Variants in PDE4D observed in about 807,000 individuals in gnomAD.
PDE4D encodes the protein 3',5'-cyclic-AMP phosphodiesterase 4D.
In PDE4D, 24 loss-of-function variants were observed where a neutral mutation model predicts 87.4. That is an observed-to-expected ratio of 0.27 (90% CI 0.20 to 0.39). The LOEUF (loss-of-function observed/expected upper bound fraction) is 0.39, where lower values mean the gene tolerates loss of function less well. Among genes scored for constraint, PDE4D ranks in the 10% least tolerant of loss-of-function variants. The probability of loss-of-function intolerance (pLI) is 1.00; values close to 1 mark genes in which losing one functional copy is unlikely to be tolerated. For missense variants in PDE4D, 714 were observed against 1,041.0 expected (o/e 0.69, Z 4.32); for synonymous variants, 384 against 383.2 (o/e 1.00, Z -0.02).
chr5:59,215,728 G>C, intron 2 of PDE4D, 49 bp downstream of exon 2: 3 of 1,477,728 alleles, frequency 2.0e-6, no homozygotes, highest in Non-Finnish European at 2.8e-6. Flanking sequence ...ATCAGCTCTA[G>C]ATATAAATTT....
chr5:59,334,771 C>T (rs1777377486), intron 1 of PDE4D, among the ~76,000 whole-genome samples: 1 of 151,716 alleles, frequency 6.6e-6, no homozygotes, highest in African/African-American at 2.4e-5. Flanking sequence ...CCTCACCTCC[C>T]CATTCCTAAA....
intron 3 of PDE4D, among the ~76,000 whole-genome samples, chr5:59,915,744 CT>C (rs1319717157): frequency 6.6e-5 from 10 of 152,104 alleles, no homozygotes; most frequent in African/African-American, 1.9e-4. Flanking sequence ...GTGTCTTACT[CT>C]TAATAGGAAG....
chr5:59,170,797 C>G (rs760210358), intron 5 of PDE4D, among the ~76,000 whole-genome samples: 14 of 151,880 alleles, frequency 9.2e-5, no homozygotes, highest in Non-Finnish European at 1.3e-4. Context: ...AAATAGAATT[C>G]ACACATTATT....
intron 1 of PDE4D, among the ~76,000 whole-genome samples, chr5:59,892,239 T>C (rs1176432740): frequency 2.6e-5 from 4 of 152,194 alleles, no homozygotes; most frequent in Non-Finnish European, 4.4e-5. Flanking sequence ...ATTGGTCCTT[T>C]ACTCATTTCC....
At chr5:59,214,699 A>T (rs1022764479) in intron 2 of PDE4D, among the ~76,000 whole-genome samples, 1 of 152,232 alleles carries the variant, frequency 6.6e-6, no homozygotes, top group South Asian at 2.1e-4. Flanking sequence ...TAATGTAAAA[A>T]TAGGGCCACT....
intron 2 of PDE4D, among the ~76,000 whole-genome samples, chr5:60,031,424 C>T (rs547537482): frequency 1.3e-5 from 2 of 152,294 alleles, no homozygotes; most frequent in East Asian, 3.9e-4. Context: ...AAAAGCCAAG[C>T]ACACACAAGG....
chr5:59,120,176 T>TA (rs1774251556), intron 5 of PDE4D, among the ~76,000 whole-genome samples: 1 of 152,156 alleles, frequency 6.6e-6, no homozygotes, highest in South Asian at 2.1e-4. Flanking sequence ...GACTGATGGT[T>TA]AAAAATGCAA....
At chr5:60,519,133 T>G (rs2150264460) in intron 1 of PDE4D, among the ~76,000 whole-genome samples, 1 of 152,338 alleles carries the variant, frequency 6.6e-6, no homozygotes, top group South Asian at 2.1e-4. Context: ...TAGCTATTAC[T>G]AACGAACTTG....
intron 1 of PDE4D, among the ~76,000 whole-genome samples, chr5:59,401,443 A>ACTATCTATCTATCTATCTAT (rs10705466): frequency 7.8e-6 from 1 of 127,468 alleles, no homozygotes; most frequent in Non-Finnish European, 1.7e-5. Flanking sequence ...TATATTAGAG[A>ACTATCTATCTATCTATCTAT]CTATCTATCT....
intron 1 of PDE4D, among the ~76,000 whole-genome samples, chr5:59,396,422 A>G (rs372074110): frequency 0.058 from 5,680 of 97,616 alleles, 1,248 homozygotes; most frequent in South Asian, 0.27. Flanking sequence ...AGTGGGGGCC[A>G]ATATTCAACA....
intron 1 of PDE4D, among the ~76,000 whole-genome samples, chr5:59,649,620 T>C (rs1743034538): frequency 6.6e-6 from 1 of 151,558 alleles, no homozygotes. Flanking sequence ...AAGACAAGGA[T>C]GGATAGACCT....
intron 1 of PDE4D, among the ~76,000 whole-genome samples, chr5:59,688,412 AAC>A (rs1217753919): frequency 6.6e-6 from 1 of 152,214 alleles, no homozygotes; most frequent in Non-Finnish European, 1.5e-5. Context: ...AGGATTAAGA[AAC>A]TCACTCAAAA....
At chr5:59,642,893 G>A (rs72751204) in intron 1 of PDE4D, among the ~76,000 whole-genome samples, 38,848 of 151,904 alleles carry the variant, frequency 0.26, 5,170 homozygotes, top group Non-Finnish European at 0.27. Context: ...ATAAACTCTT[G>A]TTTAGGTAAA....
rs1744459948 is a variant in PDE4D at position 60,221,227 on chromosome 5, T to C, written c.-89-35540A>G. ...TTACAAAATCTCAAATACCAAACGTTCTTATTTATTTTTTAAATGCATGAA... is the reference window on the plus strand; with the variant it reads ...TTACAAAATCTCAAATACCAAACGTCCTTATTTATTTTTTAAATGCATGAA... On this transcript the variant is annotated intron_variant, in intron 1 of 16. Transcript: ENST00000502484. Among the ~76,000 whole-genome samples, 3 of 151,930 alleles carry C rather than the reference T, an allele frequency of 2.0e-5. No individual in the cohort carries two copies. In the South Asian group the frequency reaches 6.2e-4, roughly 31 times the overall value.
At chr5:59,855,992 TA>T (rs1745371143) in intron 1 of PDE4D, among the ~76,000 whole-genome samples, 1 of 152,116 alleles carries the variant, frequency 6.6e-6, no homozygotes, top group African/African-American at 2.4e-5. Flanking sequence ...AGCTTAGGAC[TA>T]GAGAATCTAA....
intron 11 of PDE4D, among the ~76,000 whole-genome samples, chr5:58,987,028 T>C (rs148880584): frequency 1.2e-4 from 19 of 152,248 alleles, no homozygotes; most frequent in Middle Eastern, 6.8e-3. Flanking sequence ...TTACTAAAAA[T>C]TGATAAAATT....
At chr5:60,363,574 T>A (rs1293835421) in intron 1 of PDE4D, among the ~76,000 whole-genome samples, 1 of 152,198 alleles carries the variant, frequency 6.6e-6, no homozygotes, top group Non-Finnish European at 1.5e-5. Flanking sequence ...AAGGCTTACA[T>A]TTTAATGAGA....
chr5:60,072,844 T>C (rs552730159), intron 2 of PDE4D, among the ~76,000 whole-genome samples: 61 of 152,284 alleles, frequency 4.0e-4, no homozygotes, highest in African/African-American at 1.4e-3. Flanking sequence ...TCTGTTTCAC[T>C]GGTCATGTTT....
intron 1 of PDE4D, among the ~76,000 whole-genome samples, chr5:59,508,711 G>A (rs4326095): frequency 0.19 from 29,099 of 151,706 alleles, 3,352 homozygotes; most frequent in Non-Finnish European, 0.26. Context: ...TAGTAAATGA[G>A]CAAAAGACAA....
Sources: gnomAD v4.1 joint callset for allele counts (sites outside exome capture counted in the v4.1 genomes callset) on GRCh38, gnomAD v4.1.1 for gene constraint, MANE v1.5 for transcripts, NCBI Gene and HGNC (gene_info 2026-07-23, HGNC 2026-07-21) for gene names.